The following SRGAP1 variants were observed in gnomAD, a reference collection of about 807,000 sequenced individuals.
SRGAP1 encodes the protein SLIT-ROBO Rho GTPase activating protein 1, also known as SLIT-ROBO Rho GTPase-activating protein 1.
SRGAP1 carries 43 observed loss-of-function variants against 121.9 expected under a neutral mutation model. That is an observed-to-expected ratio of 0.35 (90% CI 0.28 to 0.46). The LOEUF (loss-of-function observed/expected upper bound fraction) is 0.46, where lower values mean the gene tolerates loss of function less well. SRGAP1 is among the 20% of genes least tolerant of loss of function. SRGAP1 has a pLI of 1.00. For synonymous variants in SRGAP1, 447 were observed against 485.4 expected (o/e 0.92, Z 1.04); for missense variants, 1,102 against 1,350.9 (o/e 0.82, Z 2.89).
intron 3 of SRGAP1, among the ~76,000 whole-genome samples, chr12:63,993,973 A>T (rs2136423335): frequency 6.6e-6 from 1 of 152,334 alleles, no homozygotes; most frequent in African/African-American, 2.4e-5. Flanking sequence ...TCAAAATAAT[A>T]GTGATTCAGC....
At position 63,933,921 on chromosome 12, in the gene SRGAP1, A is replaced by T. The variant is rs998018226; in HGVS notation, c.68-50026A>T. On this transcript the variant is annotated intron_variant, in intron 1 of 21. Transcript: ENST00000355086. ...AAATCAGCGATGTCACAACAATGTT[A>T]ATAAAAAGGACAAGCCACTTACTAT... is the stretch of plus-strand genomic sequence containing the variant. Among the ~76,000 whole-genome samples, 21 of 152,234 alleles carry T rather than the reference A, an allele frequency of 1.4e-4. 1 individual carries two copies. Among genetic ancestry groups the T allele is most frequent in the African/African-American group, 5.1e-4 (21 of 41,458 alleles).
chr12:64,124,031 A>G (rs2036648981), intron 18 of SRGAP1, among the ~76,000 whole-genome samples: 1 of 152,116 alleles, frequency 6.6e-6, no homozygotes, highest in African/African-American at 2.4e-5. Flanking sequence ...TTGGCAATGT[A>G]GCAAGACCCT....
At chr12:63,919,453 A>C (rs2030942830) in intron 1 of SRGAP1, among the ~76,000 whole-genome samples, 1 of 144,388 alleles carries the variant, frequency 6.9e-6, no homozygotes, top group Non-Finnish European at 1.6e-5. Flanking sequence ...TACAGGTGTA[A>C]GCCACTGTGC....
intron 3 of SRGAP1, among the ~76,000 whole-genome samples, chr12:64,007,611 A>G (rs2034124772): frequency 6.6e-6 from 1 of 152,142 alleles, no homozygotes; most frequent in South Asian, 2.1e-4. Flanking sequence ...TACAGAGAAA[A>G]TAAGTCTCAG....
At position 64,080,353 on chromosome 12, in the gene SRGAP1, A is replaced by C; in HGVS notation, c.1391A>C (p.Gln464Pro). 1 of 1,613,736 alleles carries C rather than the reference A, an allele frequency of 6.2e-7. No homozygotes were observed. The highest frequency in any genetic ancestry group is 8.5e-7 in the Non-Finnish European group (1 of 1,179,758). Residue 464 changes from glutamine to proline, a missense_variant, in exon 10 of 22, where the codon CAG (glutamine) becomes CCG (proline). Gln to Pro is a moderately conservative substitution (Grantham distance 76). Transcript: ENST00000355086. ...TKLQAKHDLL[Q>P]RTLGEGHRAE... ...CTTCAAGCCAAACATGACTTGCTGCAGAGGACCCTGGGAGAAGGTGAGTTA... is the reference window on the plus strand; with the variant it reads ...CTTCAAGCCAAACATGACTTGCTGCCGAGGACCCTGGGAGAAGGTGAGTTA...
intron 1 of SRGAP1, among the ~76,000 whole-genome samples, chr12:63,892,932 A>G (rs189499874): frequency 3.3e-5 from 5 of 152,326 alleles, no homozygotes; most frequent in Admixed American, 2.0e-4. Flanking sequence ...AAGTGGTGCC[A>G]AGGCTTTGAA....
At chr12:64,027,958 A>G (rs2034691015) in intron 4 of SRGAP1, among the ~76,000 whole-genome samples, 1 of 152,210 alleles carries the variant, frequency 6.6e-6, no homozygotes, top group South Asian at 2.1e-4. Flanking sequence ...CTCATTGTAA[A>G]TATTTCATAT....
chr12:64,053,748 C>A (rs1166594261), intron 6 of SRGAP1, among the ~76,000 whole-genome samples: 2 of 151,658 alleles, frequency 1.3e-5, no homozygotes, highest in East Asian at 3.9e-4. Flanking sequence ...AATTATTATC[C>A]CCAATATTAA....
chr12:64,057,469 G>T (rs1013403658), intron 6 of SRGAP1, among the ~76,000 whole-genome samples: 7 of 152,148 alleles, frequency 4.6e-5, no homozygotes, highest in African/African-American at 1.7e-4. Context: ...GGAAAATAGA[G>T]AAGGTCAAAG....
chr12:64,034,165 G>A (rs1035102968), intron 4 of SRGAP1, among the ~76,000 whole-genome samples: 4 of 151,826 alleles, frequency 2.6e-5, no homozygotes, highest in African/African-American at 9.7e-5. Flanking sequence ...GAGGTGATTG[G>A]ATCATGGGGG....
chr12:64,021,568 G>T (rs768974629), intron 4 of SRGAP1, among the ~76,000 whole-genome samples: 16 of 152,186 alleles, frequency 1.1e-4, no homozygotes, highest in Non-Finnish European at 1.9e-4. Flanking sequence ...GGGATCTCAA[G>T]TCTAGGACTG....
Position 64,111,828 on chromosome 12 carries a change from A to G in SRGAP1, c.1986A>G (p.Thr662=). 1 of 1,614,100 alleles carries G rather than the reference A, an allele frequency of 6.2e-7. No homozygotes were observed. The highest frequency in any genetic ancestry group is 1.1e-5 in the South Asian group (1 of 91,078). The change falls in exon 17 of 22, where the codon ACA becomes ACG. Residue 662 remains threonine (T), a synonymous_variant. Coordinates refer to ENST00000355086, the MANE Select transcript of SRGAP1 (RefSeq NM_020762.4). ...ACCTGGCCATTTGCTTTGGCCCAAC[A>G]TTGATGCCTGTCCCAGAAATACAGG... ...PYNLAICFGP[T]LMPVPEIQDQ... is the part of the protein sequence containing the mutation.
Position 64,160,970 on chromosome 12 carries a change from T to C in SRGAP1, c.*18298T>C, listed in dbSNP as rs1190170824. The C allele has an allele frequency of 2.6e-5, 4 of 152,212 alleles. No homozygotes were observed. The highest frequency in any genetic ancestry group is 4.4e-5 in the Non-Finnish European group (3 of 68,026). 9.4% of individuals were successfully genotyped at this position (152,212 alleles called of 1,614,324 possible). A position where few individuals can be genotyped will look rare whatever the true frequency, so the allele number is the denominator to read the frequency against. ...CTTTGTATGTTCTTTTTTTTCCCTA[T>C]ACATAATTTACTATTGCATGTTTTT... On this transcript the variant is annotated 3_prime_UTR_variant, in exon 22 of 22. Transcript: ENST00000355086.
At chr12:63,845,506 C>T (rs909635816) in intron 1 of SRGAP1, among the ~76,000 whole-genome samples, 4 of 152,290 alleles carry the variant, frequency 2.6e-5, no homozygotes, top group African/African-American at 9.6e-5. Context: ...CTTTCACACT[C>T]ACATGGGAAT....
chr12:63,858,202 G>C (rs992633107), intron 1 of SRGAP1, among the ~76,000 whole-genome samples: 12 of 151,036 alleles, frequency 7.9e-5, no homozygotes, highest in Non-Finnish European at 1.6e-4. Flanking sequence ...GTGTGTGTGT[G>C]TGTCTGTCTG....
intron 8 of SRGAP1, among the ~76,000 whole-genome samples, chr12:64,068,392 G>A (rs1004083118): frequency 2.6e-5 from 4 of 151,874 alleles, no homozygotes; most frequent in African/African-American, 7.3e-5. Context: ...CTGGGGTGCA[G>A]AGGCACAATC....
intron 8 of SRGAP1, among the ~76,000 whole-genome samples, chr12:64,066,217 A>G (rs2035537481): frequency 1.3e-5 from 2 of 152,166 alleles, no homozygotes; most frequent in South Asian, 4.1e-4. Context: ...TGTTTTCAGG[A>G]TAGACGCAGA....
At chr12:64,071,910 G>GT (rs1473084647) in intron 8 of SRGAP1, among the ~76,000 whole-genome samples, 1 of 151,250 alleles carries the variant, frequency 6.6e-6, no homozygotes, top group Non-Finnish European at 1.5e-5. Flanking sequence ...AGCAAACATT[G>GT]TTTTTTTCAA....
rs184353047 is a variant in SRGAP1, at chr12:64,153,776, C to T, written c.*11104C>T. 6.6e-6 allele frequency: 1 copy of T among 152,052 alleles called. No homozygotes were observed. Among genetic ancestry groups the T allele is most frequent in the Non-Finnish European group, 1.5e-5 (1 of 68,014 alleles). 9.4% of individuals were successfully genotyped at this position (152,052 alleles called of 1,614,324 possible). ...TTCCTCAAAAAATTAAAAATAAAACCCTCATATGATCCACCAAGCCCACTT... is the reference window on the plus strand; with the variant it reads ...TTCCTCAAAAAATTAAAAATAAAACTCTCATATGATCCACCAAGCCCACTT... On this transcript the variant is annotated 3_prime_UTR_variant, in exon 22 of 22. Coordinates refer to ENST00000355086, the MANE Select transcript of SRGAP1 (RefSeq NM_020762.4).
Sources: allele counts gnomAD v4.1 joint callset (sites outside exome capture counted in the v4.1 genomes callset), GRCh38; gene constraint gnomAD v4.1.1; transcripts MANE v1.5; gene names NCBI Gene and HGNC (gene_info 2026-07-23, HGNC 2026-07-21).